The following ASAP2 variants were observed in gnomAD, a reference collection of about 807,000 sequenced individuals.
ASAP2 encodes arf-GAP with SH3 domain, ANK repeat and PH domain-containing protein 2.
ASAP2 carries 45 observed loss-of-function variants against 131.4 expected under a neutral mutation model. That is an observed-to-expected ratio of 0.34 (90% CI 0.27 to 0.44). The LOEUF (loss-of-function observed/expected upper bound fraction) is 0.44, where lower values mean the gene tolerates loss of function less well. ASAP2 is among the 20% of genes least tolerant of loss of function. The pLI is 1.00. For missense variants in ASAP2, 1,011 were observed against 1,297.0 expected (o/e 0.78, Z 3.39); for synonymous variants, 510 against 503.0 (o/e 1.01, Z -0.19).
chr2:9,387,241 A>C (rs1377314585), intron 21 of ASAP2, among the ~76,000 whole-genome samples: 1 of 146,490 alleles, frequency 6.8e-6, no homozygotes, highest in Non-Finnish European at 1.5e-5. Context: ...TATAACCTTC[A>C]GGGGGGAGCA....
chr2:9,302,867 A>G (rs1558311424), intron 3 of ASAP2, among the ~76,000 whole-genome samples: 1 of 152,168 alleles, frequency 6.6e-6, no homozygotes, highest in Non-Finnish European at 1.5e-5. Context: ...TTCTGTTGGG[A>G]CAAGCAGTAG....
At chr2:9,243,735 A>G (rs1664145279) in intron 1 of ASAP2, among the ~76,000 whole-genome samples, 1 of 152,214 alleles carries the variant, frequency 6.6e-6, no homozygotes, top group Non-Finnish European at 1.5e-5. Flanking sequence ...GTAGTCACTC[A>G]TTCATCTGCT....
At chr2:9,297,145 G>T (rs1015874723) in intron 2 of ASAP2, among the ~76,000 whole-genome samples, 155 bp from the exon 3 acceptor site, 6 of 152,110 alleles carry the variant, frequency 3.9e-5, no homozygotes, top group African/African-American at 1.4e-4. Context: ...GTTGTTGTTG[G>T]GATAACGAAG....
chr2:9,382,488 G>A (rs79540965), intron 20 of ASAP2, among the ~76,000 whole-genome samples: 1,800 of 152,304 alleles, frequency 0.012, 15 homozygotes, highest in Non-Finnish European at 0.019. Context: ...CATGTAGAAC[G>A]GAACTAGCTA....
At chr2:9,338,781 T>G (rs536661342) in intron 9 of ASAP2, among the ~76,000 whole-genome samples, 1 of 152,276 alleles carries the variant, frequency 6.6e-6, no homozygotes, top group Admixed American at 6.5e-5. Context: ...CTCGTGGACA[T>G]CAGCTCCAGG....
intron 4 of ASAP2, among the ~76,000 whole-genome samples, chr2:9,319,989 A>C (rs1355963605): frequency 6.6e-6 from 1 of 152,230 alleles, no homozygotes; most frequent in Non-Finnish European, 1.5e-5. Flanking sequence ...GATTAGGCCC[A>C]GGGCAGGGAG....
intron 4 of ASAP2, 88 bp downstream of exon 4, chr2:9,318,686 G>A (rs1369112069): frequency 4.9e-6 from 4 of 822,082 alleles, no homozygotes; most frequent in Admixed American, 4.9e-5. Context: ...AGCCACGCCA[G>A]TACGTTCTCA....
intron 2 of ASAP2, among the ~76,000 whole-genome samples, chr2:9,282,434 C>T (rs1239843330): frequency 2.0e-5 from 3 of 152,344 alleles, no homozygotes; most frequent in Middle Eastern, 3.4e-3. Context: ...CTCTTTAGAA[C>T]TGCTTTTAGT....
intron 15 of ASAP2, among the ~76,000 whole-genome samples, chr2:9,364,067 CATG>C (rs1488853504): frequency 1.3e-5 from 2 of 152,168 alleles, no homozygotes; most frequent in Non-Finnish European, 2.9e-5. Context: ...TGTAGAAGAT[CATG>C]ATTTCAGCTT....
chr2:9,372,348 A>G (rs965705347), intron 16 of ASAP2, among the ~76,000 whole-genome samples: 1 of 152,160 alleles, frequency 6.6e-6, no homozygotes, highest in East Asian at 1.9e-4. Context: ...CTTCCCTTGT[A>G]GGCCCACCAG....
chr2:9,271,248 G>T (rs1226830988), intron 1 of ASAP2: 2 of 701,778 alleles, frequency 2.8e-6, no homozygotes, highest in Non-Finnish European at 5.2e-6. Flanking sequence ...CTCATTGCAA[G>T]GAAATCCTCA....
intron 9 of ASAP2, among the ~76,000 whole-genome samples, chr2:9,341,966 G>A (rs964049074): frequency 6.6e-5 from 10 of 152,142 alleles, no homozygotes; most frequent in Admixed American, 3.3e-4. Flanking sequence ...GAGTGCCTCC[G>A]CATGTTACTG....
At chr2:9,338,078 C>T (rs1558344258) in intron 9 of ASAP2, among the ~76,000 whole-genome samples, 3 of 152,184 alleles carry the variant, frequency 2.0e-5, no homozygotes, top group Admixed American at 1.3e-4. Flanking sequence ...CCACGTCGTC[C>T]ATCCGATGGT....
At chr2:9,365,568 G>T (rs1245048918) in intron 15 of ASAP2, among the ~76,000 whole-genome samples, 1 of 152,210 alleles carries the variant, frequency 6.6e-6, no homozygotes, top group African/African-American at 2.4e-5. Flanking sequence ...TCAGGTAGGT[G>T]CTAAGGACGT....
intron 12 of ASAP2, among the ~76,000 whole-genome samples, chr2:9,354,645 C>CAAA (rs566781964): frequency 0.01 from 762 of 74,026 alleles, 7 homozygotes; most frequent in African/African-American, 0.029. Flanking sequence ...GACTCCGTCT[C>CAAA]AAAAAAAAAA....
chr2:9,340,844 A>G (rs1051758947), intron 9 of ASAP2, among the ~76,000 whole-genome samples: 4 of 152,214 alleles, frequency 2.6e-5, no homozygotes, highest in Admixed American at 1.3e-4. Context: ...AGGGCCACAG[A>G]AAAGTTAAGA....
At chr2:9,276,541 C>CT (rs1191245865) in intron 1 of ASAP2, among the ~76,000 whole-genome samples, 2 of 151,664 alleles carry the variant, frequency 1.3e-5, no homozygotes, top group Non-Finnish European at 2.9e-5. Flanking sequence ...TTTTTTTTCT[C>CT]TTTTTTTTCT....
At chr2:9,279,219 C>T in intron 1 of ASAP2, 98 bp from the exon 2 acceptor site, 1 of 1,151,004 alleles carries the variant, frequency 8.7e-7, no homozygotes, top group Non-Finnish European at 1.3e-6. Context: ...TGCCTAGGGA[C>T]CTGGCAGAGG....
At chr2:9,249,357 A>G (rs1291877613) in intron 1 of ASAP2, among the ~76,000 whole-genome samples, 2 of 152,158 alleles carry the variant, frequency 1.3e-5, no homozygotes, top group African/African-American at 2.4e-5. Context: ...GAGGACAGCA[A>G]TGCCTTCCCC....
Sources: allele counts gnomAD v4.1 joint callset (sites outside exome capture counted in the v4.1 genomes callset), GRCh38; gene constraint gnomAD v4.1.1; transcripts MANE v1.5; gene names NCBI Gene and HGNC (gene_info 2026-07-23, HGNC 2026-07-21).